The following SPEN variants were observed in gnomAD, a reference collection of about 807,000 sequenced individuals.
SPEN encodes the protein spen family transcriptional repressor.
A neutral mutation model predicts 269.9 loss-of-function variants in SPEN; 18 were observed. The ratio of observed to expected loss-of-function variants is 0.07; its 90% confidence interval spans 0.05 to 0.10. The LOEUF is 0.10. SPEN is among the 10% of genes least tolerant of loss of function. The pLI is 1.00. For missense variants in SPEN, 3,822 were observed against 4,631.2 expected (o/e 0.83, Z 5.07); for synonymous variants, 1,726 against 1,765.7 (o/e 0.98, Z 0.56).
At position 15,920,862 on chromosome 1, in the gene SPEN, T is replaced by G. The variant is rs187496839; in HGVS notation, c.1636-8T>G. 2.5e-6 allele frequency: 4 copies of G among 1,572,562 alleles called. No individual in the cohort carries two copies. The African/African-American group carries it at 4.1e-5, about 16-fold the overall frequency. On this transcript the variant is annotated splice_polypyrimidine_tract_variant and splice_region_variant and intron_variant, in intron 8 of 14. Transcript: ENST00000375759. Reference sequence around the variant, plus strand: ...CTCTTACTTGTTTTTTGTTTGTTTGTTTTACAGGTGGTGTTTGACCGCTTA... The same window carrying G: ...CTCTTACTTGTTTTTTGTTTGTTTGGTTTACAGGTGGTGTTTGACCGCTTA...
intron 3 of SPEN, among the ~76,000 whole-genome samples, chr1:15,879,684 T>G (rs1303523535): frequency 6.6e-6 from 1 of 151,496 alleles, no homozygotes; most frequent in Non-Finnish European, 1.5e-5. Context: ...AATTTTTTTT[T>G]TTTTGAGGCG....
chr1:15,855,025 A>AT (rs2148702290), intron 1 of SPEN, among the ~76,000 whole-genome samples: 1 of 152,306 alleles, frequency 6.6e-6, no homozygotes, highest in South Asian at 2.1e-4. Context: ...TTATGATTTC[A>AT]TTTTGAGTAT....
Position 15,876,246 on chromosome 1 carries a change from G to A in SPEN, c.449G>A (p.Gly150Glu). Reference sequence around the variant, plus strand: ...CGTGCTTATGAACATAGTGCCTATGGACACCATGAACGGGGGACGGGAGGA... The same window carrying A: ...CGTGCTTATGAACATAGTGCCTATGAACACCATGAACGGGGGACGGGAGGA... ...RERAYEHSAY[G>E]HHERGTGGFD... The change falls in exon 3 of 15, where the codon GGA becomes GAA. Residue 150 changes from glycine (G) to glutamate (E), a missense_variant. Physicochemically the swap from Gly to Glu is moderately conservative, Grantham distance 98. This residue lies in a region of SPEN where 327 missense variants were observed against 350.8 expected (regional missense o/e 0.93). Transcript: ENST00000375759. 1 of 1,614,052 alleles carries A rather than the reference G, an allele frequency of 6.2e-7. No individual in the cohort carries two copies. The highest frequency in any genetic ancestry group is 8.5e-7 in the Non-Finnish European group (1 of 1,180,010).
In SPEN at chr1:15,932,337, G is replaced by A; in HGVS notation, c.6097G>A (p.Ala2033Thr). The change falls in exon 11 of 15, where the codon GCT becomes ACT. Residue 2033 changes from alanine (A) to threonine (T), a missense_variant. Physicochemically the swap from Ala to Thr is moderately conservative, Grantham distance 58 (BLOSUM62 0). Coordinates refer to ENST00000375759, the MANE Select transcript of SPEN (RefSeq NM_015001.3). This position sits in a 1 kb window ranked among gnomAD's most constrained non-coding sequence, Gnocchi z 4.2. ...AGAGAGCTCCATGGAACCCAAGGCT[G>A]CTGAGGAGGAGGCAGGGAGTGAACA... Reference protein sequence around the residue: ...VKESSMEPKAAEEEAGSEQKR... With the variant: ...VKESSMEPKATEEEAGSEQKR... 13 of 1,613,736 alleles carry A rather than the reference G, an allele frequency of 8.1e-6. No homozygotes were observed. Among genetic ancestry groups the A allele is most frequent in the Non-Finnish European group, 1.1e-5 (13 of 1,179,920 alleles).
chr1:15,887,736 A>G (rs1221811967), intron 3 of SPEN, among the ~76,000 whole-genome samples: 1 of 151,154 alleles, frequency 6.6e-6, no homozygotes, highest in African/African-American at 2.4e-5. Context: ...AAAAAAAACA[A>G]GTCCTTCAGG....
chr1:15,848,127 GA>G lies in SPEN; in HGVS notation c.62del (p.Lys21ArgfsTer77). The G allele has an allele frequency of 1.3e-6, 2 of 1,498,900 alleles. No homozygotes were observed. Among genetic ancestry groups the G allele is most frequent in the South Asian group, 1.2e-5 (1 of 80,118 alleles). The allele number at this position is 1,498,900 out of a possible 1,614,324, so 92.9% of individuals were successfully genotyped here. On this transcript the variant is annotated frameshift_variant, in exon 1 of 15. Coordinates refer to ENST00000375759, the MANE Select transcript of SPEN (RefSeq NM_015001.3). LOFTEE classifies it high-confidence loss of function. This position sits in a 1 kb window ranked among gnomAD's most constrained non-coding sequence, Gnocchi z 5.1. ...ACTTACCCGAGAACGTGCGGGAAGAGAAGATCATCGAGCATTTCAAACGGTG... is the reference window on the plus strand; with the variant it reads ...ACTTACCCGAGAACGTGCGGGAAGAGAGATCATCGAGCATTTCAAACGGTG... ...GNLPENVREE[K>X]IIEHFKRYGR... is the part of the protein sequence containing the mutation.
chr1:15,936,616 T>C (rs1331549874), intron 11 of SPEN, among the ~76,000 whole-genome samples: 1 of 140,308 alleles, frequency 7.1e-6, no homozygotes, highest in Non-Finnish European at 1.5e-5. Context: ...GCCACTAGGC[T>C]CCAGTGACAG....
rs147865950 is a variant in SPEN, at chr1:15,928,308, C to G, written c.2068C>G (p.Gln690Glu). ...YRDYRNDPYE[Q>E]DIREYSYRQR... ...GGATTACAGGAATGATCCTTATGAA[C>G]AAGATATTAGGGAATATAGTTACAG... The change falls in exon 11 of 15, where the codon CAA (glutamine) becomes GAA (glutamate). Residue 690 changes from glutamine (Q) to glutamate (E), a missense_variant. Transcript: ENST00000375759. The surrounding 1 kb of genome is among the most constrained non-coding windows in gnomAD (Gnocchi z 5.7). 58 of 1,613,950 alleles carry G rather than the reference C, an allele frequency of 3.6e-5. No individual in the cohort carries two copies. Among genetic ancestry groups the G allele is most frequent in the Non-Finnish European group, 4.7e-5 (56 of 1,180,006 alleles).
chr1:15,882,811 A>G (rs1244378166), intron 3 of SPEN, among the ~76,000 whole-genome samples: 1 of 152,230 alleles, frequency 6.6e-6, no homozygotes, highest in Non-Finnish European at 1.5e-5. Flanking sequence ...GTGTTGGGTA[A>G]TGCTCAAGTT....
intron 3 of SPEN, among the ~76,000 whole-genome samples, chr1:15,905,632 G>T (rs2070948105): frequency 6.6e-6 from 1 of 151,752 alleles, no homozygotes; most frequent in Admixed American, 6.6e-5. Flanking sequence ...GAGTGGAGTA[G>T]TGCAATCTTG....
At chr1:15,852,562 C>T (rs1322357250) in intron 1 of SPEN, among the ~76,000 whole-genome samples, 3 of 152,128 alleles carry the variant, frequency 2.0e-5, no homozygotes, top group Non-Finnish European at 4.4e-5. Flanking sequence ...ATATAGGGCT[C>T]ACTGCCAGGA....
At chr1:15,916,051 G>T in intron 5 of SPEN, 77 bp from the exon 6 acceptor site, 2 of 1,478,180 alleles carry the variant, frequency 1.4e-6, no homozygotes, top group Non-Finnish European at 1.8e-6. Context: ...TTTTTTAAAT[G>T]TAGATTTTTC....
In SPEN at chr1:15,932,773, T is replaced by A; in HGVS notation, c.6533T>A (p.Ile2178Asn). ...QMELEQAVEH[I>N]AKLAEASASA... ...GAGCTGGAGCAGGCCGTGGAACACATCGCAAAGCTCGCTGAGGCCTCTGCC... is the reference window on the plus strand; with the variant it reads ...GAGCTGGAGCAGGCCGTGGAACACAACGCAAAGCTCGCTGAGGCCTCTGCC... Residue 2178 changes from isoleucine to asparagine, a missense_variant, in exon 11 of 15, where the codon ATC becomes AAC. Ile to Asn is a moderately radical substitution (Grantham distance 149). This residue lies in a region of SPEN where 727 missense variants were observed against 737.9 expected (regional missense o/e 0.99). Coordinates refer to ENST00000375759, the MANE Select transcript of SPEN (RefSeq NM_015001.3). The surrounding 1 kb of genome is among the most constrained non-coding windows in gnomAD (Gnocchi z 4.2). 1 of 1,614,112 alleles carries A rather than the reference T, an allele frequency of 6.2e-7. No individual in the cohort carries two copies. Among genetic ancestry groups the A allele is most frequent in the Non-Finnish European group, 8.5e-7 (1 of 1,180,018 alleles).
rs2071282948 is a variant in SPEN, at chr1:15,937,111, G to C, written c.10027-52G>C. The C allele has an allele frequency of 1.9e-6, 3 of 1,565,344 alleles. No individual in the cohort carries two copies. Among genetic ancestry groups the C allele is most frequent in the Non-Finnish European group, 2.6e-6 (3 of 1,152,638 alleles). ...TTTGGGTCATTTGTTGGTCTCAGGG[G>C]CTTGTGCACAACAGACTGACTCTGT... On this transcript the variant is annotated intron_variant, in intron 11 of 14. Transcript: ENST00000375759. This position sits in a 1 kb window ranked among gnomAD's most constrained non-coding sequence, Gnocchi z 5.7.
At position 15,938,726 on chromosome 1, in the gene SPEN, A is replaced by G. The variant is rs1275639249; in HGVS notation, c.10713A>G (p.Thr3571=). ...GCTGGCCTCTGCCTCAGGTGGAGAC[A>G]GATTACTGTCTGCTGCTGGCTCTGC... ...EGVARRMTVE[T]DYCLLLALPC... The change falls in exon 14 of 15, where the codon ACA becomes ACG. Residue 3571 remains threonine (T), a synonymous_variant. Transcript: ENST00000375759. 1 of 1,613,594 alleles carries G rather than the reference A, an allele frequency of 6.2e-7. No homozygotes were observed. Among genetic ancestry groups the G allele is most frequent in the Admixed American group, 1.7e-5 (1 of 59,988 alleles).
At chr1:15,926,412 C>T (rs56095493) in intron 10 of SPEN, among the ~76,000 whole-genome samples, 7,532 of 149,278 alleles carry the variant, frequency 0.05, 294 homozygotes, top group Non-Finnish European at 0.078. Context: ...CACACACACA[C>T]ATTTATAAAT....
chr1:15,911,428 A>G (rs2071011208), intron 5 of SPEN, 127 bp downstream of exon 5: 2 of 723,522 alleles, frequency 2.8e-6, no homozygotes, highest in Admixed American at 2.7e-5. Flanking sequence ...ACATATTTCC[A>G]TTGTCTTCTG....
At chr1:15,870,797 TTAAAGCTTTG>T (rs1187545564) in intron 1 of SPEN, among the ~76,000 whole-genome samples, 1 of 152,226 alleles carries the variant, frequency 6.6e-6, no homozygotes, top group East Asian at 1.9e-4. Flanking sequence ...ACTAAGGATT[TTAAAGCTTTG>T]TGTAATTGAT....
chr1:15,848,245 A>T lies in SPEN; in HGVS notation c.83+95A>T. ...CCCCTCCCGGAGCGCGGAGCTGGTG[A>T]GGAGGACTCCGGCCCGGACCCACGG... On this transcript the variant is annotated intron_variant, in intron 1 of 14. Transcript: ENST00000375759. This position sits in a 1 kb window ranked among gnomAD's most constrained non-coding sequence, Gnocchi z 5.1. The T allele has an allele frequency of 1.1e-6, 1 of 887,252 alleles. No individual in the cohort carries two copies. Among genetic ancestry groups the T allele is most frequent in the South Asian group, 2.4e-5 (1 of 42,338 alleles). The allele number at this position is 887,252 out of a possible 1,614,324, so 55.0% of individuals were successfully genotyped here. A position where few individuals can be genotyped will look rare whatever the true frequency, so the allele number is the denominator to read the frequency against.
Sources: gnomAD v4.1 joint callset for allele counts (sites outside exome capture counted in the v4.1 genomes callset) on GRCh38, gnomAD v4.1.1 for gene constraint, gnomAD v4.1.1 regional missense constraint, Gnocchi (gnomAD v3.1) non-coding constraint, MANE v1.5 for transcripts, NCBI Gene and HGNC (gene_info 2026-07-23, HGNC 2026-07-21) for gene names.